CYTH3: variants seen among roughly 807,000 people sequenced by gnomAD.
CYTH3 encodes the protein cytohesin-3.
Under a neutral mutation model 55.1 loss-of-function variants are expected in CYTH3, and 23 were observed. The ratio of observed to expected loss-of-function variants is 0.42; its 90% CI spans 0.30 to 0.59. The LOEUF (loss-of-function observed/expected upper bound fraction) is 0.59. Among genes scored for constraint, CYTH3 ranks in the 20% least tolerant of loss-of-function variants. The pLI, the probability that CYTH3 is intolerant of heterozygous loss-of-function variation, is 0.20. For synonymous variants in CYTH3, 249 were observed against 194.9 expected (o/e 1.28, Z -2.31); for missense variants, 413 against 524.8 (o/e 0.79, Z 2.08).
At chr7:6,180,374 C>G (rs894159351) in intron 4 of CYTH3, among the ~76,000 whole-genome samples, 2 of 152,224 alleles carry the variant, frequency 1.3e-5, no homozygotes, top group African/African-American at 4.8e-5. Flanking sequence ...GAGGAGGACA[C>G]AGAAGCTCTG....
chr7:6,252,235 T>A (rs1286054626), intron 1 of CYTH3, among the ~76,000 whole-genome samples: 2 of 152,232 alleles, frequency 1.3e-5, no homozygotes, highest in East Asian at 3.8e-4. Flanking sequence ...ATCCTTGCTA[T>A]CTCTATACCA....
chr7:6,177,884 G>C lies in CYTH3; in HGVS notation c.307C>G (p.Gln103Glu). The change falls in exon 5 of 13, where the codon CAG becomes GAG. Residue 103 changes from glutamine (Q) to glutamate (E), a missense_variant. Physicochemically the swap from Gln to Glu is conservative, Grantham distance 29. Coordinates refer to ENST00000350796, the MANE Select transcript of CYTH3 (RefSeq NM_004227.4). ...LLQSSPEDVA[Q>E]FLYKGEGLNK... ...AGGCCTTCTCCTTTATAAAGGAACTGGGCGACGTCTTCTGGGGAACTCTGT... is the reference window on the plus strand; with the variant it reads ...AGGCCTTCTCCTTTATAAAGGAACTCGGCGACGTCTTCTGGGGAACTCTGT... 6.2e-7 allele frequency: 1 copy of C among 1,614,164 alleles called. No homozygotes were observed. The highest frequency in any genetic ancestry group is 8.5e-7 in the Non-Finnish European group (1 of 1,180,000).
intron 4 of CYTH3, among the ~76,000 whole-genome samples, chr7:6,186,770 C>T (rs751533403): frequency 6.6e-6 from 1 of 152,200 alleles, no homozygotes; most frequent in Non-Finnish European, 1.5e-5. Context: ...CCAAGCCCGG[C>T]CTGTGCTGAG....
Position 6,170,707 on chromosome 7 carries a change from G to A in CYTH3, c.712-61C>T. Reference sequence around the variant, plus strand: ...TCGGAGGAAAATGGCTGGCCGGGCAGAAAGCTCAGCGGGACCAGGGCGGCA... The same window carrying A: ...TCGGAGGAAAATGGCTGGCCGGGCAAAAAGCTCAGCGGGACCAGGGCGGCA... On this transcript the variant is annotated intron_variant, in intron 8 of 12. Transcript: ENST00000350796. This position sits in a 1 kb window ranked among gnomAD's most constrained non-coding sequence, Gnocchi z 7.8. 6.3e-7 allele frequency: 1 copy of A among 1,583,084 alleles called. No homozygotes were observed. The highest frequency in any genetic ancestry group is 8.6e-7 in the Non-Finnish European group (1 of 1,162,892).
At chr7:6,177,985 A>C (rs535140036) in intron 4 of CYTH3, 44 bp from the exon 5 acceptor site, 1 of 1,464,230 alleles carries the variant, frequency 6.8e-7, no homozygotes, top group African/African-American at 1.4e-5. Flanking sequence ...AGTGTCACTC[A>C]AACTCATTTT....
chr7:6,195,442 C>A (rs1254252950), intron 1 of CYTH3, among the ~76,000 whole-genome samples: 2 of 151,998 alleles, frequency 1.3e-5, no homozygotes, highest in Non-Finnish European at 2.9e-5. Flanking sequence ...AAATTCCACA[C>A]TGTGGTTTTC....
chr7:6,234,856 A>G (rs1779477321), intron 1 of CYTH3, among the ~76,000 whole-genome samples: 1 of 152,216 alleles, frequency 6.6e-6, no homozygotes, highest in South Asian at 2.1e-4. Flanking sequence ...GAGCTTGAGT[A>G]ATTTGTTGAA....
chr7:6,173,629 C>G (rs557455473), intron 6 of CYTH3, 24 bp downstream of exon 6: 1 of 1,540,830 alleles, frequency 6.5e-7, no homozygotes, highest in Admixed American at 1.7e-5. Context: ...ATCCACTCTA[C>G]ACCCAGCAAA....
At chr7:6,176,794 T>C (rs914376032) in intron 5 of CYTH3, among the ~76,000 whole-genome samples, 2 of 152,244 alleles carry the variant, frequency 1.3e-5, no homozygotes, top group Non-Finnish European at 2.9e-5. Context: ...CTTGTCTCGT[T>C]CCTGATCTTA....
chr7:6,190,468 T>C lies in CYTH3; in HGVS notation c.98A>G (p.Glu33Gly). ...ELLDIRRRKK[E>G]LIDDIERLKY... ...TTTTACCTCAATGTCATCAATAAGT[T>C]CCTTTTTTCTTCGACGAATGTCTAG... The change falls in exon 2 of 13, where the codon GAA becomes GGA. Residue 33 changes from glutamate to glycine, a missense_variant. This residue lies in a region of CYTH3 where 152 missense variants were observed against 148.1 expected (regional missense o/e 1.03). Coordinates refer to ENST00000350796, the MANE Select transcript of CYTH3 (RefSeq NM_004227.4). The C allele has an allele frequency of 6.6e-7, 1 of 1,513,928 alleles. No individual in the cohort carries two copies. The highest frequency in any genetic ancestry group is 2.5e-5 in the East Asian group (1 of 40,416). 93.8% of individuals were successfully genotyped at this position (1,513,928 alleles called of 1,614,324 possible).
intron 1 of CYTH3, among the ~76,000 whole-genome samples, chr7:6,202,549 C>A (rs903206670): frequency 6.6e-6 from 1 of 151,636 alleles, no homozygotes; most frequent in Non-Finnish European, 1.5e-5. Flanking sequence ...CCGCAACCTC[C>A]GCCTCCTGGG....
At chr7:6,243,273 T>C (rs1356705577) in intron 1 of CYTH3, among the ~76,000 whole-genome samples, 1 of 152,134 alleles carries the variant, frequency 6.6e-6, no homozygotes, top group Non-Finnish European at 1.5e-5. Flanking sequence ...TGTGTCTCTG[T>C]GCATAGAGGA....
chr7:6,191,553 C>A (rs1783804497), intron 1 of CYTH3, among the ~76,000 whole-genome samples: 1 of 148,196 alleles, frequency 6.7e-6, no homozygotes. Context: ...GAAGTAAATA[C>A]AGGAGAATTT....
intron 1 of CYTH3, among the ~76,000 whole-genome samples, chr7:6,221,916 C>T (rs1784562470): frequency 6.6e-6 from 1 of 152,150 alleles, no homozygotes; most frequent in South Asian, 2.1e-4. Flanking sequence ...GGTGCCACTG[C>T]ACTCCAGCAT....
rs916882774 is a variant in CYTH3 at position 6,163,405 on chromosome 7, G to A, written c.*1539C>T. ...GTGGGGCAGGAAGAGGAAGTCCATA[G>A]AGGAAAAGCCAGCCACCAACCCAAC... is the stretch of plus-strand genomic sequence containing the variant. On this transcript the variant is annotated 3_prime_UTR_variant, in exon 13 of 13. Transcript: ENST00000350796. 9 of 152,842 alleles carry A rather than the reference G, an allele frequency of 5.9e-5. No homozygotes were observed. Among genetic ancestry groups the A allele is most frequent in the African/African-American group, 2.2e-4 (9 of 41,468 alleles). 9.5% of individuals were successfully genotyped at this position (152,842 alleles called of 1,614,324 possible).
chr7:6,255,970 A>C (rs1780093031), intron 1 of CYTH3, among the ~76,000 whole-genome samples: 1 of 151,856 alleles, frequency 6.6e-6, no homozygotes, highest in Non-Finnish European at 1.5e-5. Context: ...TCACTGTGTT[A>C]GCCAGGATGG....
At chr7:6,202,457 GTTTTTTT>G (rs34849107) in intron 1 of CYTH3, among the ~76,000 whole-genome samples, 1 of 126,514 alleles carries the variant, frequency 7.9e-6, no homozygotes, top group East Asian at 2.3e-4. Flanking sequence ...GCCATTGCTA[GTTTTTTT>G]TTTTTTTTTT....
At chr7:6,272,408 T>TCGGGGGGGGGGGGG in intron 1 of CYTH3, 66 bp downstream of exon 1, 5 of 1,207,012 alleles carry the variant, frequency 4.1e-6, no homozygotes, top group Middle Eastern at 3.2e-4. Flanking sequence ...CGCCGCGCCC[T>TCGGGGGGGGGGGGG]CGACCCCCAG....
intron 1 of CYTH3, among the ~76,000 whole-genome samples, chr7:6,213,378 G>A (rs1178073938): frequency 1.3e-5 from 2 of 152,162 alleles, no homozygotes; most frequent in African/African-American, 4.8e-5. Flanking sequence ...GGGAAAGGAG[G>A]AACCTCCAAC....
Sources: gnomAD v4.1 joint callset for allele counts (sites outside exome capture counted in the v4.1 genomes callset) on GRCh38, gnomAD v4.1.1 for gene constraint, gnomAD v4.1.1 regional missense constraint, Gnocchi (gnomAD v3.1) non-coding constraint, MANE v1.5 for transcripts, NCBI Gene and HGNC (gene_info 2026-07-23, HGNC 2026-07-21) for gene names.